Variants in RUNX2 observed in about 807,000 individuals in gnomAD.
RUNX2 encodes RUNX family transcription factor 2, also known as runt-related transcription factor 2.
RUNX2 carries 10 observed loss-of-function variants against 51.7 expected under a neutral mutation model. The observed-to-expected ratio is 0.19, with a 90% CI of 0.12 to 0.33. The LOEUF is 0.33. RUNX2 is among the 10% of genes least tolerant of loss of function. RUNX2 has a pLI of 1.00. For synonymous variants in RUNX2, 276 were observed against 273.6 expected (o/e 1.01, Z -0.09); for missense variants, 562 against 691.3 (o/e 0.81, Z 2.10).
chr6:45,524,059 T>G (rs1043173683), intron 7 of RUNX2, among the ~76,000 whole-genome samples: 1 of 152,228 alleles, frequency 6.6e-6, no homozygotes, highest in African/African-American at 2.4e-5. Context: ...TTCAAAGTCA[T>G]TTGTGGACAA....
intron 2 of RUNX2, among the ~76,000 whole-genome samples, chr6:45,372,276 A>G (rs1796174512): frequency 6.6e-6 from 1 of 152,214 alleles, no homozygotes; most frequent in Non-Finnish European, 1.5e-5. Flanking sequence ...TACATAAAAT[A>G]ACATACGTAA....
intron 2 of RUNX2, among the ~76,000 whole-genome samples, chr6:45,333,191 AT>A (rs1190253569): frequency 1.3e-5 from 2 of 151,688 alleles, no homozygotes; most frequent in African/African-American, 4.8e-5. Context: ...TTTCAAAAAG[AT>A]TATGAAATTC....
intron 6 of RUNX2, 96 bp downstream of exon 6, chr6:45,492,210 C>T (rs147930363): frequency 5.2e-6 from 6 of 1,162,122 alleles, no homozygotes; most frequent in Non-Finnish European, 7.7e-6. Context: ...ACTCCTGGAG[C>T]TGTGAAGCGG....
chr6:45,420,470 T>A (rs1798156328), intron 2 of RUNX2, among the ~76,000 whole-genome samples: 1 of 152,206 alleles, frequency 6.6e-6, no homozygotes, highest in South Asian at 2.1e-4. Context: ...GGTATGTGAA[T>A]TGCTTTAAAT....
intron 6 of RUNX2, among the ~76,000 whole-genome samples, chr6:45,510,237 A>C (rs1431404918): frequency 6.6e-6 from 1 of 152,202 alleles, no homozygotes; most frequent in African/African-American, 2.4e-5. Context: ...TTTAATGATC[A>C]ATTATCCTTT....
chr6:45,339,208 C>G (rs968401444), intron 2 of RUNX2, among the ~76,000 whole-genome samples: 4 of 152,026 alleles, frequency 2.6e-5, no homozygotes, highest in Admixed American at 2.6e-4. Context: ...AATTCACTAG[C>G]CTATACAAGA....
At chr6:45,453,027 T>C (rs1410704589) in intron 5 of RUNX2, among the ~76,000 whole-genome samples, 1 of 152,240 alleles carries the variant, frequency 6.6e-6, no homozygotes, top group Non-Finnish European at 1.5e-5. Context: ...CCCTCCTTTC[T>C]TCATTGTCCA....
chr6:45,337,167 A>T (rs1392241346), intron 2 of RUNX2, among the ~76,000 whole-genome samples: 1 of 151,762 alleles, frequency 6.6e-6, no homozygotes, highest in Non-Finnish European at 1.5e-5. Flanking sequence ...TATGAACAGA[A>T]CAACATGCCA....
intron 2 of RUNX2, among the ~76,000 whole-genome samples, chr6:45,341,498 A>G (rs1472686231): frequency 6.6e-6 from 1 of 152,208 alleles, no homozygotes. Flanking sequence ...ATACATATGC[A>G]AGTATAAAGT....
chr6:45,379,043 ATCCC>A (rs1444080803), intron 2 of RUNX2, among the ~76,000 whole-genome samples: 1 of 152,118 alleles, frequency 6.6e-6, no homozygotes, highest in Non-Finnish European at 1.5e-5. Flanking sequence ...GAGTTCTGAA[ATCCC>A]TTCCTTCTAT....
chr6:45,465,792 C>T (rs1241143852), intron 5 of RUNX2, among the ~76,000 whole-genome samples: 3 of 151,130 alleles, frequency 2.0e-5, no homozygotes. Flanking sequence ...CATACCACCA[C>T]GCCTGGCTAA....
At chr6:45,372,033 AG>A (rs1796140578) in intron 2 of RUNX2, 25 of 963,962 alleles carry the variant, frequency 2.6e-5, no homozygotes, top group Non-Finnish European at 2.8e-5. Context: ...TACAAATAAA[AG>A]TTTATCATAA....
chr6:45,454,654 TTATG>T (rs1328365595), intron 5 of RUNX2, among the ~76,000 whole-genome samples: 1 of 152,200 alleles, frequency 6.6e-6, no homozygotes, highest in Non-Finnish European at 1.5e-5. Flanking sequence ...TATCAGAAGA[TTATG>T]TATGTATGTA....
intron 2 of RUNX2, among the ~76,000 whole-genome samples, chr6:45,408,260 C>A (rs1476847655): frequency 2.0e-5 from 3 of 151,412 alleles, no homozygotes; most frequent in African/African-American, 7.3e-5. Flanking sequence ...TGCCCAAAGG[C>A]AATGCATAAC....
intron 2 of RUNX2, among the ~76,000 whole-genome samples, chr6:45,405,467 T>G (rs1283407005): frequency 1.3e-5 from 2 of 152,194 alleles, no homozygotes; most frequent in African/African-American, 2.4e-5. Context: ...ACCCATTGTT[T>G]GGTGACATCA....
chr6:45,452,271 G>T (rs573089158), intron 5 of RUNX2, among the ~76,000 whole-genome samples: 16 of 152,190 alleles, frequency 1.1e-4, no homozygotes, highest in African/African-American at 3.6e-4. Flanking sequence ...TCAACCTCAA[G>T]GAATTTATTG....
chr6:45,422,293 G>A (rs931658213), intron 2 of RUNX2: 1 of 336,216 alleles, frequency 3.0e-6, no homozygotes, highest in Non-Finnish European at 5.4e-6. Context: ...CCCCGCGCCC[G>A]TTCGCAGCTG....
chr6:45,401,440 G>T (rs1252683489), intron 2 of RUNX2, among the ~76,000 whole-genome samples: 1 of 152,198 alleles, frequency 6.6e-6, no homozygotes, highest in Admixed American at 6.5e-5. Flanking sequence ...TTAAGGAGGA[G>T]ATATGAAGCC....
At chr6:45,467,977 T>C (rs574680114) in intron 5 of RUNX2, among the ~76,000 whole-genome samples, 2 of 152,372 alleles carry the variant, frequency 1.3e-5, no homozygotes, top group East Asian at 3.9e-4. Flanking sequence ...TAACTCAGTT[T>C]TCCTCGATCT....
Sources: gnomAD v4.1 joint callset for allele counts (sites outside exome capture counted in the v4.1 genomes callset) on GRCh38, gnomAD v4.1.1 for gene constraint, MANE v1.5 for transcripts, NCBI Gene and HGNC (gene_info 2026-07-23, HGNC 2026-07-21) for gene names.